The following SHC3 variants were observed in gnomAD, a reference collection of about 807,000 sequenced individuals.
The protein encoded by SHC3 is SHC-transforming protein 3.
A neutral mutation model predicts 60.4 loss-of-function variants in SHC3; 15 were observed. The observed-to-expected ratio is 0.25, with a 90% confidence interval of 0.17 to 0.38. The LOEUF is 0.38. Among genes scored for constraint, SHC3 ranks in the 10% least tolerant of loss-of-function variants. The pLI is 1.00. For synonymous variants in SHC3, 294 were observed against 325.9 expected, an observed-to-expected ratio of 0.90 and a Z score of 1.05; for missense variants, 677 against 786.1, an observed-to-expected ratio of 0.86 and a Z score of 1.66.
At chr9:89,134,907 TC>T (rs1348976976) in intron 1 of SHC3, among the ~76,000 whole-genome samples, 2 of 152,142 alleles carry the variant, frequency 1.3e-5, no homozygotes, top group Non-Finnish European at 2.9e-5. Context: ...ATGTAGCTGA[TC>T]TTTTGTTTTG....
intron 11 of SHC3, among the ~76,000 whole-genome samples, chr9:89,035,442 C>T (rs540707021): frequency 2.0e-5 from 3 of 152,022 alleles, no homozygotes; most frequent in African/African-American, 7.2e-5. Context: ...CTCACACCAC[C>T]AGATGTTAGG....
chr9:89,106,248 G>T (rs1006884169), intron 2 of SHC3, among the ~76,000 whole-genome samples: 2 of 152,192 alleles, frequency 1.3e-5, no homozygotes, highest in African/African-American at 4.8e-5. Flanking sequence ...GCTCCAAGGG[G>T]TCAGGAGTTT....
intron 1 of SHC3, among the ~76,000 whole-genome samples, chr9:89,145,179 T>C (rs548003425): frequency 4.6e-5 from 7 of 152,298 alleles, no homozygotes; most frequent in Admixed American, 1.3e-4. Flanking sequence ...GGACCAACTA[T>C]ATTAAGGCAT....
chr9:89,040,060 T>C (rs1824651191), intron 10 of SHC3, among the ~76,000 whole-genome samples: 1 of 144,010 alleles, frequency 6.9e-6, no homozygotes, highest in Non-Finnish European at 1.5e-5. Flanking sequence ...ATTATCACCA[T>C]CACCACCACC....
At position 89,038,296 on chromosome 9, in the gene SHC3, C is replaced by G. The variant is rs1379687399; in HGVS notation, c.1361-8G>C. On this transcript the variant is annotated splice_polypyrimidine_tract_variant and splice_region_variant and intron_variant, in intron 10 of 11. Coordinates refer to ENST00000375835, the MANE Select transcript of SHC3 (RefSeq NM_016848.6). ...GAGCATCTTCAAAAGGTTCTGTCAT[C>G]AACAATATTGACCAGCAACAAGTCA... The G allele has an allele frequency of 1.3e-6, 2 of 1,590,402 alleles. No individual in the cohort carries two copies. The highest frequency in any genetic ancestry group is 1.7e-6 in the Non-Finnish European group (2 of 1,166,994).
intron 2 of SHC3, among the ~76,000 whole-genome samples, chr9:89,079,521 CCA>C (rs1564126208): frequency 6.6e-6 from 1 of 152,046 alleles, no homozygotes; most frequent in African/African-American, 2.4e-5. Flanking sequence ...ATTTTACCAT[CCA>C]CCAACATGGA....
chr9:89,049,901 G>T lies in SHC3; in HGVS notation c.962+2136C>A, dbSNP rs72618184. Among the ~76,000 whole-genome samples the T allele has an allele frequency of 0.048, 7,222 of 151,976 alleles. 1,269 individuals carry two copies. The East Asian group carries it at 0.62, about 13-fold the overall frequency. Reference sequence around the variant, plus strand: ...CTCTCCATAAATCTTCTTCCACTACGTGGCTGCCCTGGAGTCACCGAGTCT... The same window carrying T: ...CTCTCCATAAATCTTCTTCCACTACTTGGCTGCCCTGGAGTCACCGAGTCT... On this transcript the variant is annotated intron_variant, in intron 7 of 11. Coordinates refer to ENST00000375835, the MANE Select transcript of SHC3 (RefSeq NM_016848.6).
At chr9:89,039,159 T>G (rs1824633064) in intron 10 of SHC3, among the ~76,000 whole-genome samples, 1 of 152,236 alleles carries the variant, frequency 6.6e-6, no homozygotes, top group African/African-American at 2.4e-5. Flanking sequence ...TGTCTACCCA[T>G]AAGCATACAC....
At position 89,178,196 on chromosome 9, in the gene SHC3, G is replaced by A. The variant is rs1826973904; in HGVS notation, c.265C>T (p.Arg89Trp). The A allele has an allele frequency of 4.4e-6, 6 of 1,367,368 alleles. No individual in the cohort carries two copies. The highest frequency in any genetic ancestry group is 6.9e-5 in the Admixed American group (2 of 28,886). The allele number at this position is 1,367,368 out of a possible 1,614,324, so 84.7% of individuals were successfully genotyped here. Residue 89 changes from arginine to tryptophan, a missense_variant, in exon 1 of 12, where the codon CGG (arginine) becomes TGG (tryptophan). Arg to Trp is a moderately radical substitution (Grantham distance 101, BLOSUM62 -3). Transcript: ENST00000375835. The surrounding 1 kb of genome is among the most constrained non-coding windows in gnomAD (Gnocchi z 6.9). ...GAGAGCCGCGCGCCCGCCCGCTCCC[G>A]GGCGGCCGACGACAGGCCGCGGAGG... is the stretch of plus-strand genomic sequence containing the variant. ...SGLRGLSSAA[R>W]ERAGARLSGS...
intron 1 of SHC3, among the ~76,000 whole-genome samples, chr9:89,137,314 A>T (rs1303956531): frequency 1.3e-5 from 2 of 152,136 alleles, no homozygotes; most frequent in Non-Finnish European, 2.9e-5. Context: ...CTTAGCTAAA[A>T]ATGGCTTAAG....
chr9:89,075,093 C>T lies in SHC3; in HGVS notation c.729+16G>A. The T allele has an allele frequency of 6.2e-7, 1 of 1,612,630 alleles. No individual in the cohort carries two copies. Among genetic ancestry groups the T allele is most frequent in the Non-Finnish European group, 8.5e-7 (1 of 1,179,230 alleles). On this transcript the variant is annotated intron_variant, in intron 4 of 11. Coordinates refer to ENST00000375835, the MANE Select transcript of SHC3 (RefSeq NM_016848.6). Reference sequence around the variant, plus strand: ...GGGGCTGTGGGCAGGGACAGGGGATCTGAGCACCCATGTACCTGTTTGGAG... The same window carrying T: ...GGGGCTGTGGGCAGGGACAGGGGATTTGAGCACCCATGTACCTGTTTGGAG...
chr9:89,071,079 A>T lies in SHC3; in HGVS notation c.783+120T>A. The T allele has an allele frequency of 3.7e-6, 3 of 819,570 alleles. No individual in the cohort carries two copies. In the South Asian group the frequency reaches 6.4e-5, roughly 18 times the overall value. 50.8% of individuals were successfully genotyped at this position (819,570 alleles called of 1,614,324 possible). ...ATCTTCTATGGAAATCAGGAGGGGGAAATTAGTTGCCATCACAATTAACCT... is the reference window on the plus strand; with the variant it reads ...ATCTTCTATGGAAATCAGGAGGGGGTAATTAGTTGCCATCACAATTAACCT... On this transcript the variant is annotated intron_variant, in intron 5 of 11. Transcript: ENST00000375835.
In SHC3 at chr9:89,045,814, G is replaced by A. The variant is rs1437838968; in HGVS notation, c.1133C>T (p.Thr378Ile). Reference sequence around the variant, plus strand: ...TCCTAAGTGTCTTCCCTGGTAATAAGTCTGCTCTTTTCCTGCAAACTATAG... The same window carrying A: ...TCCTAAGTGTCTTCCCTGGTAATAAATCTGCTCTTTTCCTGCAAACTATAG... ...DTAQFAGKEQ[T>I]YYQGRHLGDT... The change falls in exon 9 of 12, where the codon ACT (threonine) becomes ATT (isoleucine). Residue 378 changes from threonine to isoleucine, a missense_variant. Coordinates refer to ENST00000375835, the MANE Select transcript of SHC3 (RefSeq NM_016848.6). The A allele has an allele frequency of 1.2e-6, 2 of 1,614,110 alleles. No homozygotes were observed. The highest frequency in any genetic ancestry group is 1.7e-6 in the Non-Finnish European group (2 of 1,179,998).
At chr9:89,081,054 C>A (rs1825437581) in intron 2 of SHC3, among the ~76,000 whole-genome samples, 1 of 152,124 alleles carries the variant, frequency 6.6e-6, no homozygotes. Context: ...GCATGAGCCA[C>A]CACGCCTGGC....
At chr9:89,146,922 A>G (rs1373084813) in intron 1 of SHC3, among the ~76,000 whole-genome samples, 2 of 152,224 alleles carry the variant, frequency 1.3e-5, no homozygotes, top group African/African-American at 4.8e-5. Flanking sequence ...GAACATGTGC[A>G]TGTCCTATGA....
intron 11 of SHC3, among the ~76,000 whole-genome samples, chr9:89,028,919 TAA>T (rs1486106126): frequency 6.8e-6 from 1 of 147,724 alleles, no homozygotes; most frequent in Non-Finnish European, 1.5e-5. Flanking sequence ...TCTATTAATA[TAA>T]GTTTTTTAAC....
chr9:89,011,742 A>G lies in SHC3; in HGVS notation c.*1705T>C, dbSNP rs763623646. On this transcript the variant is annotated 3_prime_UTR_variant, in exon 12 of 12. Coordinates refer to ENST00000375835, the MANE Select transcript of SHC3 (RefSeq NM_016848.6). ...TAGTGTCAGACTCTCCAGAGTTTCA[A>G]TCCACTGCAGAACATTCTAGAACAC... 2.6e-5 allele frequency: 4 copies of G among 152,214 alleles called. No homozygotes were observed. The highest frequency in any genetic ancestry group is 5.9e-5 in the Non-Finnish European group (4 of 68,048). 9.4% of individuals were successfully genotyped at this position (152,214 alleles called of 1,614,324 possible). A position where few individuals can be genotyped will look rare whatever the true frequency, so the allele number is the denominator to read the frequency against.
chr9:89,006,365 A>G lies in SHC3; in HGVS notation c.*7082T>C, dbSNP rs1224612036. ...TGTATTCTCAAATCTCCAAAACACC[A>G]GATAACTTAGGTTTTTTCATTTGTC... is the stretch of plus-strand genomic sequence containing the variant. On this transcript the variant is annotated 3_prime_UTR_variant, in exon 12 of 12. Transcript: ENST00000375835. 6.6e-6 allele frequency: 1 copy of G among 152,228 alleles called. No homozygotes were observed. The highest frequency in any genetic ancestry group is 1.5e-5 in the Non-Finnish European group (1 of 68,036). The allele number at this position is 152,228 out of a possible 1,614,324, so 9.4% of individuals were successfully genotyped here. A position where few individuals can be genotyped will look rare whatever the true frequency, so the allele number is the denominator to read the frequency against.
chr9:89,051,595 G>A (rs757875569), intron 7 of SHC3, among the ~76,000 whole-genome samples: 5 of 152,212 alleles, frequency 3.3e-5, no homozygotes, highest in Non-Finnish European at 5.9e-5. Context: ...CAGCGAAGCC[G>A]AAACTATGCC....
Sources: allele counts gnomAD v4.1 joint callset (sites outside exome capture counted in the v4.1 genomes callset), GRCh38; gene constraint gnomAD v4.1.1; non-coding constraint Gnocchi (gnomAD v3.1); transcripts MANE v1.5; gene names NCBI Gene and HGNC (gene_info 2026-07-23, HGNC 2026-07-21).